Variants in SUB1 observed in about 807,000 individuals in gnomAD.
The protein encoded by SUB1 is activated RNA polymerase II transcriptional coactivator p15.
A neutral mutation model predicts 16.9 loss-of-function variants in SUB1; 1 was observed. The observed-to-expected ratio is 0.06, with a 90% CI of 0.02 to 0.28. The LOEUF (loss-of-function observed/expected upper bound fraction) is 0.28. SUB1 is among the 10% of genes least tolerant of loss of function. The pLI is 1.00. For missense variants in SUB1, 84 were observed against 145.2 expected, an observed-to-expected ratio of 0.58 and a Z score of 2.16; for synonymous variants, 51 against 46.9, an observed-to-expected ratio of 1.09 and a Z score of -0.36.
At chr5:32,586,332 T>A (rs1485732429) in intron 1 of SUB1, 4 of 152,176 alleles carry the variant, frequency 2.6e-5, no homozygotes. Context: ...CCTGGTTCAT[T>A]TTCACCTCGT....
chr5:32,593,183 T>G (rs1189045785), intron 3 of SUB1, among the ~76,000 whole-genome samples: 2 of 152,110 alleles, frequency 1.3e-5, no homozygotes, highest in Non-Finnish European at 2.9e-5. Flanking sequence ...CTGGCAAATT[T>G]TCTTTGTTGT....
chr5:32,595,296 A>C (rs1363180102), intron 3 of SUB1: 2 of 152,216 alleles, frequency 1.3e-5, no homozygotes, highest in East Asian at 3.8e-4. Context: ...CTTTGTGGCC[A>C]GACCATTTTC....
At chr5:32,594,678 A>G in intron 3 of SUB1, 2 of 440,042 alleles carry the variant, frequency 4.5e-6, no homozygotes, top group Non-Finnish European at 9.2e-6. Flanking sequence ...CAGCAGCGGC[A>G]TTAGATTCTC....
At chr5:32,595,667 A>G (rs1463493299) in intron 3 of SUB1, 1 of 152,218 alleles carries the variant, frequency 6.6e-6, no homozygotes, top group Non-Finnish European at 1.5e-5. Flanking sequence ...TTTTGGGTAA[A>G]TACCAGATAC....
intron 2 of SUB1, among the ~76,000 whole-genome samples, chr5:32,589,373 C>T (rs999552660): frequency 6.6e-6 from 1 of 152,154 alleles, no homozygotes; most frequent in Non-Finnish European, 1.5e-5. Context: ...AGGTGTGAGC[C>T]ATCATGAGTG....
In SUB1 at chr5:32,601,355, A is replaced by C. The variant is rs767669622; in HGVS notation, c.*271A>C. ...TTAACTGTTGTGGCCTTTTTTGATC[A>C]TAAGAGTTGGTACTGTTTAAGGCCA... On this transcript the variant is annotated 3_prime_UTR_variant, in exon 5 of 5. Transcript: ENST00000265073. The C allele has an allele frequency of 1.4e-5, 5 of 350,812 alleles. No individual in the cohort carries two copies. Among genetic ancestry groups the C allele is most frequent in the Non-Finnish European group, 2.6e-5 (5 of 193,594 alleles). 21.7% of individuals were successfully genotyped at this position (350,812 alleles called of 1,614,324 possible).
intron 2 of SUB1, chr5:32,591,275 A>G (rs948827138): frequency 3.7e-5 from 8 of 217,966 alleles, no homozygotes; most frequent in Non-Finnish European, 7.1e-5. Context: ...TACCAAAGAA[A>G]TCGTATGTGG....
intron 4 of SUB1, 26 bp downstream of exon 4, chr5:32,599,095 T>C: frequency 6.3e-7 from 1 of 1,575,980 alleles, no homozygotes; most frequent in Non-Finnish European, 8.7e-7. Flanking sequence ...TTGAATTTTA[T>C]TACAGTGTTA....
At chr5:32,590,513 TGAG>T (rs750463535) in intron 2 of SUB1, among the ~76,000 whole-genome samples, 4 of 151,594 alleles carry the variant, frequency 2.6e-5, no homozygotes, top group East Asian at 3.9e-4. Context: ...TTTTTTGTAA[TGAG>T]GAAGTTCTTG....
chr5:32,595,141 C>CT (rs895047120), intron 3 of SUB1: 1 of 151,432 alleles, frequency 6.6e-6, no homozygotes, highest in Non-Finnish European at 1.5e-5. Flanking sequence ...CAGTTTTACT[C>CT]TTTTTTTCCC....
At chr5:32,588,859 C>T (rs1424211884) in intron 2 of SUB1, among the ~76,000 whole-genome samples, 1 of 152,034 alleles carries the variant, frequency 6.6e-6, no homozygotes, top group Non-Finnish European at 1.5e-5. Context: ...ATGGGTATTT[C>T]TGGAGGTACG....
At chr5:32,590,762 A>ATTCTTTTTTTTTTTTTT (rs1738801520) in intron 2 of SUB1, among the ~76,000 whole-genome samples, 1 of 33,958 alleles carries the variant, frequency 2.9e-5, no homozygotes, top group Non-Finnish European at 5.4e-5. Flanking sequence ...CGCCTGGCTA[A>ATTCTTTTTTTTTTTTTT]TTTTTTTTTT....
chr5:32,591,026 C>T (rs1738811750), intron 2 of SUB1, among the ~76,000 whole-genome samples: 1 of 151,962 alleles, frequency 6.6e-6, no homozygotes, highest in South Asian at 2.1e-4. Context: ...GCCTCGGACT[C>T]CCAAAGTGCT....
At chr5:32,588,401 T>C in intron 1 of SUB1, 111 bp from the exon 2 acceptor site, 1 of 937,640 alleles carries the variant, frequency 1.1e-6, no homozygotes, top group Non-Finnish European at 1.6e-6. Context: ...ACAAAAATGG[T>C]AGAATGAACC....
intron 3 of SUB1, chr5:32,595,691 T>C (rs1738944399): frequency 6.6e-6 from 1 of 152,260 alleles, no homozygotes; most frequent in South Asian, 2.1e-4. Context: ...TGCTGAGTCG[T>C]AGGGTAAATG....
At chr5:32,600,913 C>T in intron 4 of SUB1, 92 bp from the exon 5 acceptor site, 1 of 1,255,150 alleles carries the variant, frequency 8.0e-7, no homozygotes, top group Non-Finnish European at 1.2e-6. Flanking sequence ...CCTAAAGTGG[C>T]AATTTTGATA....
intron 3 of SUB1, 82 bp downstream of exon 3, chr5:32,591,767 C>G: frequency 7.1e-7 from 1 of 1,406,064 alleles, no homozygotes; most frequent in South Asian, 1.6e-5. Context: ...GTGGCGCCAT[C>G]TCGGCTCACT....
intron 1 of SUB1, chr5:32,585,840 T>A (rs1738643272): frequency 6.6e-6 from 1 of 152,486 alleles, no homozygotes; most frequent in Non-Finnish European, 1.5e-5. Flanking sequence ...GGTAGACTCC[T>A]GTCCCCGGGG....
chr5:32,594,615 G>GGT (rs1212911075), intron 3 of SUB1: 1 of 455,440 alleles, frequency 2.2e-6, no homozygotes, highest in Non-Finnish European at 4.4e-6. Flanking sequence ...CTGCACAGGA[G>GGT]GTGAGCGGTG....
Sources: gnomAD v4.1 joint callset for allele counts (sites outside exome capture counted in the v4.1 genomes callset) on GRCh38, gnomAD v4.1.1 for gene constraint, MANE v1.5 for transcripts, NCBI Gene and HGNC (gene_info 2026-07-23, HGNC 2026-07-21) for gene names.